The following R3HDM1 variants were observed in gnomAD, a reference collection of about 807,000 sequenced individuals.
The protein encoded by R3HDM1 is R3H domain-containing protein 1.
R3HDM1 carries 46 observed loss-of-function variants against 141.1 expected under a neutral mutation model. The ratio of observed to expected loss-of-function variants is 0.33; its 90% confidence interval spans 0.26 to 0.42. The LOEUF (loss-of-function observed/expected upper bound fraction) is 0.42, where lower values mean the gene tolerates loss of function less well. R3HDM1 is among the 10% of genes least tolerant of loss of function. R3HDM1 has a pLI of 1.00. For missense variants in R3HDM1, 1,184 were observed against 1,368.3 expected (o/e 0.87, Z 2.12); for synonymous variants, 435 against 472.9 (o/e 0.92, Z 1.04).
At chr2:135,562,724 C>G (rs1050896086) in intron 1 of R3HDM1, among the ~76,000 whole-genome samples, 8 of 152,182 alleles carry the variant, frequency 5.3e-5, no homozygotes, top group African/African-American at 9.7e-5. Flanking sequence ...TACATTCCTA[C>G]TTTAGTCCCA....
intron 17 of R3HDM1, chr2:135,651,195 G>T: frequency 1.0e-6 from 1 of 985,070 alleles, no homozygotes; most frequent in Admixed American, 6.1e-5. Flanking sequence ...ATTTTTGAAA[G>T]ATTAGAGAAA....
chr2:135,686,847 A>G (rs2071431225), intron 21 of R3HDM1, among the ~76,000 whole-genome samples: 1 of 152,232 alleles, frequency 6.6e-6, no homozygotes, highest in Admixed American at 6.5e-5. Flanking sequence ...CATTATGTTG[A>G]GTAAAATAAG....
chr2:135,573,743 AAG>A (rs533587298), intron 1 of R3HDM1, among the ~76,000 whole-genome samples: 61 of 152,206 alleles, frequency 4.0e-4, no homozygotes, highest in African/African-American at 1.4e-3. Context: ...CAGCAAAACA[AAG>A]AGAACCACAA....
chr2:135,608,318 A>G (rs1220802663), intron 3 of R3HDM1, among the ~76,000 whole-genome samples: 1 of 138,186 alleles, frequency 7.2e-6, no homozygotes, highest in Non-Finnish European at 1.5e-5. Flanking sequence ...TCCATCTCAA[A>G]ATAATAATAA....
At chr2:135,636,911 A>G (rs1356077512) in intron 11 of R3HDM1, among the ~76,000 whole-genome samples, 1 of 152,216 alleles carries the variant, frequency 6.6e-6, no homozygotes, top group Non-Finnish European at 1.5e-5. Flanking sequence ...ACTGGAGAAC[A>G]TATTCATGGA....
intron 1 of R3HDM1, among the ~76,000 whole-genome samples, chr2:135,569,718 C>CTTTTTTTTTTTTTTTTT (rs139858819): frequency 7.7e-5 from 10 of 129,356 alleles, no homozygotes; most frequent in African/African-American, 3.9e-4. Context: ...ATAGTAAGCT[C>CTTTTTTTTTTTTTTTTT]TTTTTTTTTT....
At chr2:135,635,433 G>A (rs556445058) in intron 9 of R3HDM1, among the ~76,000 whole-genome samples, 38 of 152,150 alleles carry the variant, frequency 2.5e-4, no homozygotes, top group East Asian at 1.7e-3. Context: ...TTTGAACCTC[G>A]GTTTGTTCAA....
chr2:135,718,239 AAGGGGGTGGGG>A, intron 24 of R3HDM1, among the ~76,000 whole-genome samples: 1 of 152,122 alleles, frequency 6.6e-6, no homozygotes, highest in African/African-American at 2.4e-5. Flanking sequence ...AATGTTCTTT[AAGGGGGTGGGG>A]GAACAGGGTA....
intron 1 of R3HDM1, among the ~76,000 whole-genome samples, chr2:135,542,313 A>G (rs1697771824): frequency 6.6e-6 from 1 of 152,246 alleles, no homozygotes; most frequent in South Asian, 2.1e-4. Flanking sequence ...TAACATTCAT[A>G]TATTTAACAT....
intron 1 of R3HDM1, among the ~76,000 whole-genome samples, chr2:135,589,547 A>G (rs1373612562): frequency 6.6e-6 from 1 of 152,178 alleles, no homozygotes; most frequent in Admixed American, 6.6e-5. Flanking sequence ...AATACAGTTA[A>G]TATAATTTAT....
At chr2:135,711,144 A>G (rs2075581173) in intron 23 of R3HDM1, among the ~76,000 whole-genome samples, 2 of 152,218 alleles carry the variant, frequency 1.3e-5, no homozygotes, top group East Asian at 1.9e-4. Flanking sequence ...ATTTGAATCT[A>G]TTCAAGCCTC....
At position 135,639,008 on chromosome 2, in the gene R3HDM1, C is replaced by T. The variant is rs778780568; in HGVS notation, c.1105C>T (p.Leu369Phe). ...GAGCAGCACAGATTCAGACAGCTCT[C>T]TTCGAAACCTGAAACCTGCTGTAAC... ...PWSSTDSDSS[L>F]RNLKPAVTKA... The change falls in exon 14 of 27, where the codon CTT becomes TTT. Residue 369 changes from leucine to phenylalanine, a missense_variant. Coordinates refer to ENST00000683871, the MANE Select transcript of R3HDM1 (RefSeq NM_001378107.1). The T allele has an allele frequency of 8.7e-6, 14 of 1,614,056 alleles. No homozygotes were observed. In the Admixed American group the frequency reaches 2.3e-4, roughly 27 times the overall value.
chr2:135,661,489 A>T, intron 19 of R3HDM1, 96 bp downstream of exon 19: 3 of 1,440,324 alleles, frequency 2.1e-6, no homozygotes, highest in Non-Finnish European at 2.9e-6. Context: ...TCAGTCTCTC[A>T]GGATCTCGAA....
intron 3 of R3HDM1, among the ~76,000 whole-genome samples, chr2:135,610,023 G>A (rs2060387936): frequency 6.6e-6 from 1 of 151,840 alleles, no homozygotes; most frequent in Admixed American, 6.6e-5. Context: ...CAGCCTGGGT[G>A]ACAGAGTGAG....
chr2:135,661,084 T>A (rs1030538733), intron 18 of R3HDM1, among the ~76,000 whole-genome samples, 186 bp from the exon 19 acceptor site: 6 of 150,902 alleles, frequency 4.0e-5, no homozygotes, highest in Non-Finnish European at 7.4e-5. Context: ...TGATGACACA[T>A]TAGTTATATT....
intron 7 of R3HDM1, among the ~76,000 whole-genome samples, chr2:135,624,036 G>T (rs1350097475): frequency 6.6e-6 from 1 of 152,174 alleles, no homozygotes; most frequent in Non-Finnish European, 1.5e-5. Flanking sequence ...GATTGCCAAG[G>T]CATAGTTATG....
chr2:135,607,377 A>G, intron 3 of R3HDM1: 1 of 962,714 alleles, frequency 1.0e-6, no homozygotes, highest in Non-Finnish European at 1.2e-6. Flanking sequence ...AGGTTAGACA[A>G]TGATAGCAAT....
At chr2:135,720,524 A>G (rs2076600523) in intron 24 of R3HDM1, among the ~76,000 whole-genome samples, 1 of 152,266 alleles carries the variant, frequency 6.6e-6, no homozygotes, top group Admixed American at 6.5e-5. Flanking sequence ...GTCAGCATTT[A>G]TTAAGCCTTT....
intron 1 of R3HDM1, among the ~76,000 whole-genome samples, chr2:135,591,781 A>G (rs1709331478): frequency 6.6e-6 from 1 of 152,220 alleles, no homozygotes; most frequent in Non-Finnish European, 1.5e-5. Flanking sequence ...GAATAACTCA[A>G]ATTACACTCA....
Sources: allele counts gnomAD v4.1 joint callset (sites outside exome capture counted in the v4.1 genomes callset), GRCh38; gene constraint gnomAD v4.1.1; transcripts MANE v1.5; gene names NCBI Gene and HGNC (gene_info 2026-07-23, HGNC 2026-07-21).